The following KRT82 variants were observed in gnomAD, a reference collection of about 807,000 sequenced individuals.
KRT82 encodes the protein keratin 82, also known as keratin, type II cuticular Hb2.
In KRT82, 44 loss-of-function variants were observed where a neutral mutation model predicts 48.0. The ratio of observed to expected loss-of-function variants is 0.92; its 90% CI spans 0.72 to 1.18. The LOEUF (loss-of-function observed/expected upper bound fraction) is 1.18. KRT82 is among the 50% of genes most tolerant of loss of function. The pLI, the probability that KRT82 is intolerant of heterozygous loss-of-function variation, is 0.00. For missense variants in KRT82, 701 were observed against 671.4 expected, an observed-to-expected ratio of 1.04 and a Z score of -0.49; for synonymous variants, 297 against 278.3, an observed-to-expected ratio of 1.07 and a Z score of -0.67.
At position 52,400,605 on chromosome 12, in the gene KRT82, G is replaced by C. The variant is rs755963497; in HGVS notation, c.699C>G (p.Phe233Leu). The change falls in exon 4 of 9, where the codon TTC becomes TTG. Residue 233 changes from phenylalanine (F) to leucine (L), a missense_variant. By Grantham distance (22) the Phe-to-Leu change is conservative. Transcript: ENST00000257974. The part of the protein sequence containing the change: ...VALKKDVDTA[F>L]LMKADLETNA... Reference sequence around the variant, plus strand: ...TGGTCTCCAGGTCAGCCTTCATCAGGAAGGCTGTGTCCACGTCCTGCAGCA... The same window carrying C: ...TGGTCTCCAGGTCAGCCTTCATCAGCAAGGCTGTGTCCACGTCCTGCAGCA... 1.2e-5 allele frequency: 19 copies of C among 1,613,750 alleles called. No individual in the cohort carries two copies. The highest frequency in any genetic ancestry group is 3.3e-5 in the Admixed American group (2 of 60,008).
intron 5 of KRT82, among the ~76,000 whole-genome samples, chr12:52,398,287 A>T (rs1458481916): frequency 2.0e-5 from 3 of 151,992 alleles, no homozygotes; most frequent in Admixed American, 6.6e-5. Flanking sequence ...AGGCGTAAGC[A>T]TGTGAGATTG....
intron 3 of KRT82, among the ~76,000 whole-genome samples, chr12:52,400,840 A>G (rs1033831983): frequency 7.2e-5 from 11 of 152,156 alleles, no homozygotes; most frequent in African/African-American, 2.7e-4. Context: ...TGGGGCTTAA[A>G]TGAGCCTTAG....
At chr12:52,403,983 A>G in intron 1 of KRT82, 74 bp from the exon 2 acceptor site, 1 of 1,419,312 alleles carries the variant, frequency 7.0e-7, no homozygotes, top group Non-Finnish European at 9.7e-7. Flanking sequence ...CAATGGAATG[A>G]GTTTCTGCCC....
At chr12:52,399,959 C>T in intron 5 of KRT82, 26 bp downstream of exon 5, 1 of 1,606,930 alleles carries the variant, frequency 6.2e-7, no homozygotes, top group Non-Finnish European at 8.5e-7. Context: ...TCTCCAGTCT[C>T]CCTGCCCCCA....
intron 2 of KRT82, 148 bp from the exon 3 acceptor site, chr12:52,401,497 G>C: frequency 1.5e-6 from 1 of 682,272 alleles, no homozygotes; most frequent in Non-Finnish European, 2.6e-6. Context: ...GGCAACTCTA[G>C]CTCCTCCACC....
At position 52,405,884 on chromosome 12, in the gene KRT82, C is replaced by T. The variant is rs149651491; in HGVS notation, c.394G>A (p.Ala132Thr). ...EQIKCLNNRF[A>T]SFINKVRFLE... ...CCCCTTACCTTGTTGATGAAAGATG[C>T]GAAACGGTTGTTGAGGCACTTGATC... The change falls in exon 1 of 9, where the codon GCA becomes ACA. Residue 132 changes from alanine to threonine, a missense_variant. Coordinates refer to ENST00000257974, the MANE Select transcript of KRT82 (RefSeq NM_033033.4). The T allele has an allele frequency of 3.1e-5, 50 of 1,611,698 alleles. No homozygotes were observed. Among genetic ancestry groups the T allele is most frequent in the Middle Eastern group, 1.7e-4 (1 of 6,054 alleles).
At position 52,403,922 on chromosome 12, in the gene KRT82, A is replaced by G. The variant is rs569596717; in HGVS notation, c.412-13T>C. 2 of 1,611,914 alleles carry G rather than the reference A, an allele frequency of 1.2e-6. No individual in the cohort carries two copies. The highest frequency in any genetic ancestry group is 2.2e-5 in the South Asian group (2 of 90,890). On this transcript the variant is annotated splice_polypyrimidine_tract_variant and intron_variant, in intron 1 of 8. Transcript: ENST00000257974. ...CCAGGAAACGGACCTGCAGCCAAGA[A>G]TGGAATATCACCAGGCAGCAGAGAT...
At chr12:52,405,801 C>G in intron 1 of KRT82, 66 bp downstream of exon 1, 1 of 1,496,556 alleles carries the variant, frequency 6.7e-7, no homozygotes, top group Non-Finnish European at 9.0e-7. Context: ...TCCCTTGGAC[C>G]AGAACAAGAC....
Position 52,398,272 on chromosome 12 carries a change from C to T in KRT82, c.943-1264G>A, listed in dbSNP as rs1050466821. On this transcript the variant is annotated intron_variant, in intron 5 of 8. Coordinates refer to ENST00000257974, the MANE Select transcript of KRT82 (RefSeq NM_033033.4). ...GCTTTTTTTGCCTCTGTTCTCCTTG[C>T]TGCCAGGCGTAAGCATGTGAGATTG... Among the ~76,000 whole-genome samples, 4 of 152,142 alleles carry T rather than the reference C, an allele frequency of 2.6e-5. No homozygotes were observed. In the East Asian group the frequency reaches 5.8e-4, roughly 22 times the overall value.
chr12:52,396,305 G>T, intron 6 of KRT82, 73 bp from the exon 7 acceptor site: 1 of 1,389,490 alleles, frequency 7.2e-7, no homozygotes, highest in Non-Finnish European at 9.8e-7. Context: ...AGAGCAGAGA[G>T]AACACGGGGG....
Position 52,400,569 on chromosome 12 carries a change from T to G in KRT82, c.735A>C (p.Ala245=). 3 of 1,614,048 alleles carry G rather than the reference T, an allele frequency of 1.9e-6. No homozygotes were observed. In the South Asian group the frequency reaches 3.3e-5, roughly 18 times the overall value. The part of the protein sequence containing the change: ...MKADLETNAE[A]LVQEIDFLKS... ...TCAGGAAGTCGATCTCCTGCACGAG[T>G]GCCTCTGCGTTGGTCTCCAGGTCAG... Residue 245 remains alanine, a synonymous_variant, in exon 4 of 9, where the codon GCA becomes GCC. Transcript: ENST00000257974.
At position 52,400,475 on chromosome 12, in the gene KRT82, G is replaced by A. The variant is rs575230315; in HGVS notation, c.777+52C>T. The A allele has an allele frequency of 2.1e-5, 30 of 1,401,988 alleles. No individual in the cohort carries two copies. The Admixed American group carries it at 4.2e-4, about 20-fold the overall frequency. 86.8% of individuals were successfully genotyped at this position (1,401,988 alleles called of 1,614,324 possible). On this transcript the variant is annotated intron_variant, in intron 4 of 8. Transcript: ENST00000257974. ...TGGGCGGCCACTCTGCTGCCCTCTCGATCCCTTGGCTCCAGCCCTGACTAA... is the reference window on the plus strand; with the variant it reads ...TGGGCGGCCACTCTGCTGCCCTCTCAATCCCTTGGCTCCAGCCCTGACTAA...
chr12:52,396,442 A>G (rs1939716889), intron 6 of KRT82, among the ~76,000 whole-genome samples: 1 of 152,144 alleles, frequency 6.6e-6, no homozygotes, highest in Admixed American at 6.5e-5. Context: ...CCTCTTAAGT[A>G]TGCTGAGAAA....
intron 2 of KRT82, chr12:52,402,082 T>C (rs1297317822): frequency 6.6e-6 from 1 of 152,248 alleles, no homozygotes; most frequent in African/African-American, 2.4e-5. Flanking sequence ...GCAAGTTGGG[T>C]AAGTGACTTG....
intron 3 of KRT82, 130 bp downstream of exon 3, chr12:52,401,159 G>T: frequency 1.4e-6 from 1 of 697,902 alleles, no homozygotes; most frequent in Non-Finnish European, 2.5e-6. Flanking sequence ...TGGCACAGGA[G>T]TCTGAGGGGC....
At chr12:52,395,724 CT>C in intron 8 of KRT82, 34 bp downstream of exon 8, 2 of 1,541,666 alleles carry the variant, frequency 1.3e-6, no homozygotes, top group Non-Finnish European at 1.8e-6. Flanking sequence ...ACCCCCAAGA[CT>C]CCAGAGCCAG....
At chr12:52,398,399 T>C (rs1939741681) in intron 5 of KRT82, among the ~76,000 whole-genome samples, 1 of 152,084 alleles carries the variant, frequency 6.6e-6, no homozygotes, top group South Asian at 2.1e-4. Flanking sequence ...TCCCTGATGA[T>C]GTCACAGAAT....
chr12:52,402,116 G>A (rs1176206611), intron 2 of KRT82: 1 of 152,228 alleles, frequency 6.6e-6, no homozygotes, highest in Non-Finnish European at 1.5e-5. Context: ...ATGATGCACA[G>A]CTTCGTCATC....
chr12:52,406,218 G>A lies in KRT82; in HGVS notation c.60C>T (p.Tyr20=). ...TGACCATCCGGGGCATGACAGCCGA[G>A]TATGAGCTGAAACTCTGACTGCCAC... ...SRCGSQSFSS[Y]SAVMPRMVTH... Residue 20 remains tyrosine (Y), a synonymous_variant, in exon 1 of 9, where the codon TAC becomes TAT. Coordinates refer to ENST00000257974, the MANE Select transcript of KRT82 (RefSeq NM_033033.4). The A allele has an allele frequency of 1.2e-6, 2 of 1,612,286 alleles. No homozygotes were observed. The highest frequency in any genetic ancestry group is 2.2e-5 in the South Asian group (2 of 90,916).
Sources: allele counts gnomAD v4.1 joint callset (sites outside exome capture counted in the v4.1 genomes callset), GRCh38; gene constraint gnomAD v4.1.1; transcripts MANE v1.5; gene names NCBI Gene and HGNC (gene_info 2026-07-23, HGNC 2026-07-21).